ABCC6: variants seen among roughly 807,000 people sequenced by gnomAD.
ABCC6 encodes the protein ATP-binding cassette sub-family C member 6.
In ABCC6, 126 loss-of-function variants were observed where a neutral mutation model predicts 169.5. The ratio of observed to expected loss-of-function variants is 0.74; its 90% confidence interval spans 0.64 to 0.86. The LOEUF (loss-of-function observed/expected upper bound fraction) is 0.86, where lower values mean the gene tolerates loss of function less well. Ranked by LOEUF, ABCC6 falls within the 40% of genes least tolerant of loss-of-function variation. The probability of loss-of-function intolerance (pLI) is 0.00; values close to 1 mark genes in which losing one functional copy is unlikely to be tolerated. For synonymous variants in ABCC6, 752 were observed against 814.7 expected, an observed-to-expected ratio of 0.92 and a Z score of 1.31; for missense variants, 1,733 against 1,927.2, an observed-to-expected ratio of 0.90 and a Z score of 1.89.
intron 21 of ABCC6, among the ~76,000 whole-genome samples, chr16:16,171,005 G>C (rs2152238037): frequency 6.7e-6 from 1 of 149,584 alleles, no homozygotes; most frequent in African/African-American, 2.5e-5. Context: ...CCCACTCACT[G>C]CCTGCCAGCC....
In ABCC6 at chr16:16,203,918, G is replaced by A. The variant is rs542151688; in HGVS notation, c.795-305C>T. 1.2e-4 allele frequency among the ~76,000 whole-genome samples: 19 copies of A among 152,254 alleles called. No individual in the cohort carries two copies. In the South Asian group the frequency reaches 3.5e-3, roughly 28 times the overall value. On this transcript the variant is annotated intron_variant, in intron 7 of 30. Coordinates refer to ENST00000205557, the MANE Select transcript of ABCC6 (RefSeq NM_001171.6). ...ATCCTAAGACCCCCTGAGAAGCCAG[G>A]TGTTGTTCCCATTTCACAGATGAGA... is the stretch of plus-strand genomic sequence containing the variant.
rs779018991 is a variant in ABCC6 at position 16,159,524 on chromosome 16, C to CA, written c.3692dup (p.Ser1232ValfsTer46). Reference sequence around the variant, plus strand: ...CATAGTCCTGCATCCGCTCCACTGACACGATGCTGTTCTCTAGGTCTGTCC... The same window carrying CA: ...CATAGTCCTGCATCCGCTCCACTGACAACGATGCTGTTCTCTAGGTCTGTCC... On this transcript the variant is annotated frameshift_variant, in exon 26 of 31. Coordinates refer to ENST00000205557, the MANE Select transcript of ABCC6 (RefSeq NM_001171.6). LOFTEE classifies it high-confidence loss of function. 1.9e-6 allele frequency: 3 copies of CA among 1,614,200 alleles called. No individual in the cohort carries two copies. Among genetic ancestry groups the CA allele is most frequent in the South Asian group, 1.1e-5 (1 of 91,088 alleles).
intron 10 of ABCC6, among the ~76,000 whole-genome samples, chr16:16,197,594 A>G (rs2048089205): frequency 6.8e-6 from 1 of 146,998 alleles, no homozygotes; most frequent in South Asian, 2.2e-4. Flanking sequence ...GTGGAGCAGG[A>G]GAGAGGAAGA....
intron 12 of ABCC6, among the ~76,000 whole-genome samples, chr16:16,189,872 T>G (rs1323283777): frequency 6.6e-6 from 1 of 152,104 alleles, no homozygotes; most frequent in Non-Finnish European, 1.5e-5. Flanking sequence ...TGACCCAGGA[T>G]TCTACCTCTG....
chr16:16,155,011 G>T lies in ABCC6; in HGVS notation c.3903C>A (p.Thr1301=), dbSNP rs201812902. ...TGGCCAGGGAGGACTTCCCTGCCCCGGTCCTGCCAACGATGCCCACCTGCC... is the reference window on the plus strand; with the variant it reads ...TGGCCAGGGAGGACTTCCCTGCCCCTGTCCTGCCAACGATGCCCACCTGCC... ...AGEKVGIVGR[T]GAGKSSLASG... is the part of the protein sequence containing the mutation. Residue 1301 remains threonine (T), a synonymous_variant, in exon 28 of 31, where the codon ACC becomes ACA. Transcript: ENST00000205557. The T allele has an allele frequency of 1.7e-5, 27 of 1,561,030 alleles. No individual in the cohort carries two copies. The South Asian group carries it at 2.8e-4, about 16-fold the overall frequency.
intron 4 of ABCC6, among the ~76,000 whole-genome samples, chr16:16,217,828 G>A (rs942651711): frequency 6.6e-6 from 1 of 152,210 alleles, no homozygotes; most frequent in African/African-American, 2.4e-5. Flanking sequence ...TGTGGCTCAC[G>A]CCTGTAATCC....
Position 16,149,848 on chromosome 16 carries a change from A to G in ABCC6, c.*285T>C. ...GCCTGGGCATGTGCTTGAGGCCCCC[A>G]GGTGAGTCCAGAGTACAGCGGGGCT... On this transcript the variant is annotated 3_prime_UTR_variant, in exon 31 of 31. Coordinates refer to ENST00000205557, the MANE Select transcript of ABCC6 (RefSeq NM_001171.6). 1.9e-6 allele frequency: 1 copy of G among 529,492 alleles called. No homozygotes were observed. Among genetic ancestry groups the G allele is most frequent in the South Asian group, 2.0e-5 (1 of 49,130 alleles). 32.8% of individuals were successfully genotyped at this position (529,492 alleles called of 1,614,324 possible).
rs779999371 is a variant in ABCC6 at position 16,198,015 on chromosome 16, G to A, written c.1338+6C>T. The stretch of plus-strand genomic sequence containing the variant: ...GTTCAAATCCCGTCTTCCTCCTCTG[G>A]CATACCTGCCAGAGATAGACGAAGC... On this transcript the variant is annotated splice_donor_region_variant and intron_variant, in intron 10 of 30. Coordinates refer to ENST00000205557, the MANE Select transcript of ABCC6 (RefSeq NM_001171.6). The A allele has an allele frequency of 4.3e-6, 7 of 1,613,794 alleles. No homozygotes were observed. In the East Asian group the frequency reaches 6.7e-5, roughly 15 times the overall value.
chr16:16,175,816 G>T (rs1159747162), intron 20 of ABCC6, 95 bp downstream of exon 20: 9 of 1,389,850 alleles, frequency 6.5e-6, no homozygotes, highest in South Asian at 2.4e-5. Context: ...TAATGGTTTT[G>T]GTTGCCCGCC....
intron 7 of ABCC6, 74 bp downstream of exon 7, chr16:16,208,654 G>A: frequency 6.2e-7 from 1 of 1,611,410 alleles, no homozygotes; most frequent in Non-Finnish European, 8.5e-7. Flanking sequence ...TTACAGTCGT[G>A]AGCCACCGCA....
At chr16:16,183,066 C>A in intron 15 of ABCC6, 136 bp from the exon 16 acceptor site, 2 of 1,348,028 alleles carry the variant, frequency 1.5e-6, no homozygotes. Context: ...TTCTTTTTCC[C>A]AGTCCTTGTC....
chr16:16,157,589 AG>A (rs2152215798), intron 27 of ABCC6, 73 bp downstream of exon 27: 1 of 1,596,460 alleles, frequency 6.3e-7, no homozygotes, highest in East Asian at 2.2e-5. Context: ...GCTGGTGCCC[AG>A]GGTTTAGGGC....
intron 12 of ABCC6, among the ~76,000 whole-genome samples, chr16:16,189,831 C>T (rs2047781578): frequency 6.6e-6 from 1 of 152,132 alleles, no homozygotes; most frequent in African/African-American, 2.4e-5. Flanking sequence ...TGGCTATGGA[C>T]ATCTGCTGGC....
At chr16:16,209,613 A>T (rs1308298810) in intron 6 of ABCC6, among the ~76,000 whole-genome samples, 1 of 149,102 alleles carries the variant, frequency 6.7e-6, no homozygotes, top group Non-Finnish European at 1.5e-5. Context: ...AATTATTATT[A>T]TTTTTTTTGA....
At chr16:16,204,887 G>A (rs1175822850) in intron 7 of ABCC6, among the ~76,000 whole-genome samples, 2 of 150,256 alleles carry the variant, frequency 1.3e-5, no homozygotes, top group Non-Finnish European at 3.0e-5. Flanking sequence ...CCAGGCTGGA[G>A]TGCAGTGTAG....
At chr16:16,178,446 C>G (rs1400699967) in intron 18 of ABCC6, among the ~76,000 whole-genome samples, 1 of 152,072 alleles carries the variant, frequency 6.6e-6, no homozygotes, top group East Asian at 1.9e-4. Context: ...TTCTTGTGCT[C>G]CTGCCGCCTT....
At chr16:16,184,917 C>T (rs1257979226) in intron 15 of ABCC6, 42 bp downstream of exon 15, 15 of 1,581,084 alleles carry the variant, frequency 9.5e-6, no homozygotes, top group Non-Finnish European at 1.3e-5. Flanking sequence ...GCATCTTCTC[C>T]CTAAAAACAT....
intron 29 of ABCC6, among the ~76,000 whole-genome samples, chr16:16,154,314 C>T (rs934910403): frequency 4.6e-5 from 7 of 151,976 alleles, no homozygotes; most frequent in Non-Finnish European, 1.0e-4. Flanking sequence ...GGTTACCACC[C>T]GATATCAAAC....
chr16:16,180,575 C>T (rs1375474820), intron 17 of ABCC6, among the ~76,000 whole-genome samples: 1 of 152,106 alleles, frequency 6.6e-6, no homozygotes, highest in East Asian at 1.9e-4. Flanking sequence ...TCACTGCAAC[C>T]TCTGCCTACT....
Sources: allele counts gnomAD v4.1 joint callset (sites outside exome capture counted in the v4.1 genomes callset), GRCh38; gene constraint gnomAD v4.1.1; transcripts MANE v1.5; gene names NCBI Gene and HGNC (gene_info 2026-07-23, HGNC 2026-07-21).